RPTOR: variants seen among roughly 807,000 people sequenced by gnomAD.
RPTOR encodes the protein regulatory-associated protein of mTOR.
Under a neutral mutation model 169.9 loss-of-function variants are expected in RPTOR, and 21 were observed. The observed-to-expected ratio is 0.12, with a 90% CI of 0.09 to 0.18. The LOEUF is 0.18. Among genes scored for constraint, RPTOR ranks in the 10% least tolerant of loss-of-function variants. The pLI is 1.00. For synonymous variants in RPTOR, 732 were observed against 753.2 expected (o/e 0.97, Z 0.46); for missense variants, 1,133 against 1,855.9 (o/e 0.61, Z 7.16).
intron 1 of RPTOR, among the ~76,000 whole-genome samples, chr17:80,589,976 A>AG (rs1297657340): frequency 6.6e-6 from 1 of 152,238 alleles, no homozygotes; most frequent in African/African-American, 2.4e-5. Flanking sequence ...CTTATCCCAA[A>AG]GGGGAACACA....
chr17:80,734,870 ATATAG>A (rs1430207044), intron 5 of RPTOR, among the ~76,000 whole-genome samples: 1 of 152,224 alleles, frequency 6.6e-6, no homozygotes, highest in Admixed American at 6.5e-5. Context: ...TCCCTAAACA[ATATAG>A]TATAACAACT....
intron 9 of RPTOR, among the ~76,000 whole-genome samples, chr17:80,827,742 C>A (rs1392166481): frequency 6.6e-6 from 1 of 152,150 alleles, no homozygotes; most frequent in Non-Finnish European, 1.5e-5. Context: ...CTGAGGCACA[C>A]CAGTCGCGGC....
rs1170895970 is a variant in RPTOR at position 80,695,531 on chromosome 17, C to T, written c.349-12310C>T. Among the ~76,000 whole-genome samples, 1 of 152,158 alleles carries T rather than the reference C, an allele frequency of 6.6e-6. No individual in the cohort carries two copies. The highest frequency in any genetic ancestry group is 1.9e-4 in the East Asian group (1 of 5,194). On this transcript the variant is annotated intron_variant, in intron 3 of 33. Transcript: ENST00000306801. This position sits in a 1 kb window ranked among gnomAD's most constrained non-coding sequence, Gnocchi z 4.9. ...GCGTCACTTCTCTCCAGCTCACCTC[C>T]ACTGCGAGAGTGCCTGGGGATGCCT...
At chr17:80,792,173 T>C (rs1285018078) in intron 7 of RPTOR, among the ~76,000 whole-genome samples, 1 of 152,150 alleles carries the variant, frequency 6.6e-6, no homozygotes, top group Non-Finnish European at 1.5e-5. Context: ...TCATCCTGAG[T>C]CATCCAGGCA....
intron 13 of RPTOR, among the ~76,000 whole-genome samples, chr17:80,869,702 CTG>C (rs1006181682): frequency 6.6e-6 from 1 of 152,154 alleles, no homozygotes; most frequent in Non-Finnish European, 1.5e-5. Context: ...TGTCACGTGT[CTG>C]GAGTGTGATC....
intron 1 of RPTOR, among the ~76,000 whole-genome samples, chr17:80,557,586 T>A (rs972253055): frequency 5.9e-5 from 9 of 152,054 alleles, no homozygotes; most frequent in African/African-American, 2.2e-4. Context: ...TCTACAATAC[T>A]TGTTTCAGGA....
intron 8 of RPTOR, among the ~76,000 whole-genome samples, chr17:80,822,660 G>C (rs1346598937): frequency 6.6e-6 from 1 of 152,206 alleles, no homozygotes; most frequent in Non-Finnish European, 1.5e-5. Flanking sequence ...TTATTGATTG[G>C]TTGATTTGGG....
rs139506768 is a variant in RPTOR at position 80,611,459 on chromosome 17, G to A, written c.163-14232G>A. 2.1e-3 allele frequency among the ~76,000 whole-genome samples: 318 copies of A among 152,158 alleles called. 1 individual carries two copies. The highest frequency in any genetic ancestry group is 7.3e-3 in the African/African-American group (303 of 41,494). ...TATTTGTACTTCTAGTAGAGAGGGG[G>A]TTTCACCATGTTGGCCAGGCTGGTC... On this transcript the variant is annotated intron_variant, in intron 1 of 33. Coordinates refer to ENST00000306801, the MANE Select transcript of RPTOR (RefSeq NM_020761.3).
chr17:80,603,933 C>T (rs866256178), intron 1 of RPTOR, among the ~76,000 whole-genome samples: 2 of 152,214 alleles, frequency 1.3e-5, no homozygotes, highest in Admixed American at 6.5e-5. Flanking sequence ...GCGAACCCCA[C>T]TTACTAGTTA....
At chr17:80,841,878 C>CT (rs2067670402) in intron 10 of RPTOR, among the ~76,000 whole-genome samples, 1 of 115,736 alleles carries the variant, frequency 8.6e-6, no homozygotes, top group African/African-American at 3.7e-5. Flanking sequence ...CACCGCACCG[C>CT]AGCTCACTCT....
At chr17:80,855,585 G>A (rs1034354599) in intron 12 of RPTOR, 38 bp downstream of exon 12, 1 of 1,435,338 alleles carries the variant, frequency 7.0e-7, no homozygotes, top group Admixed American at 1.7e-5. Context: ...GCTGAGGGAG[G>A]TGGGACAGAG....
intron 28 of RPTOR, among the ~76,000 whole-genome samples, chr17:80,952,288 G>A (rs55980508): frequency 0.015 from 2,336 of 152,344 alleles, 31 homozygotes; most frequent in Middle Eastern, 0.031. Context: ...CAACTCACAT[G>A]AACGGCCAAG....
At chr17:80,822,397 A>C in intron 8 of RPTOR, 96 bp downstream of exon 8, 1 of 1,204,104 alleles carries the variant, frequency 8.3e-7, no homozygotes, top group South Asian at 1.2e-5. Flanking sequence ...AGGATCCGTG[A>C]GTGCCTCCCT....
chr17:80,865,696 C>T (rs963958711), intron 13 of RPTOR, among the ~76,000 whole-genome samples: 1 of 151,936 alleles, frequency 6.6e-6, no homozygotes, highest in Non-Finnish European at 1.5e-5. Context: ...TAGATAAATC[C>T]GTAATTACAT....
intron 28 of RPTOR, among the ~76,000 whole-genome samples, chr17:80,955,322 C>T (rs1221347560): frequency 1.3e-5 from 2 of 152,232 alleles, no homozygotes; most frequent in Non-Finnish European, 1.5e-5. Flanking sequence ...GGTACCTCTG[C>T]GCACTAGGGA....
At chr17:80,594,273 G>A (rs1599585369) in intron 1 of RPTOR, among the ~76,000 whole-genome samples, 1 of 151,654 alleles carries the variant, frequency 6.6e-6, no homozygotes, top group Non-Finnish European at 1.5e-5. Flanking sequence ...TTTGTATTTT[G>A]AGTAGAGATG....
chr17:80,927,889 G>C (rs769209431), intron 24 of RPTOR, among the ~76,000 whole-genome samples: 26 of 152,046 alleles, frequency 1.7e-4, no homozygotes, highest in Admixed American at 5.9e-4. Flanking sequence ...AGGAGCTGGA[G>C]GGTGTCAGCC....
intron 1 of RPTOR, among the ~76,000 whole-genome samples, chr17:80,610,644 TC>T (rs2065263663): frequency 6.6e-6 from 1 of 152,048 alleles, no homozygotes; most frequent in Admixed American, 6.5e-5. Flanking sequence ...AAGGGAAACT[TC>T]CTGATGTGAT....
chr17:80,876,140 A>G (rs376353044), intron 13 of RPTOR, among the ~76,000 whole-genome samples: 20 of 102,674 alleles, frequency 1.9e-4, no homozygotes, highest in African/African-American at 3.5e-4. Flanking sequence ...TGTGTGTGTC[A>G]CCTGCCGGGT....
Sources: gnomAD v4.1 joint callset for allele counts (sites outside exome capture counted in the v4.1 genomes callset) on GRCh38, gnomAD v4.1.1 for gene constraint, Gnocchi (gnomAD v3.1) non-coding constraint, MANE v1.5 for transcripts, NCBI Gene and HGNC (gene_info 2026-07-23, HGNC 2026-07-21) for gene names.